The following RGS3 variants were observed in gnomAD, a reference collection of about 807,000 sequenced individuals.
RGS3 encodes the protein regulator of G protein signaling 3, also known as regulator of G-protein signalling 3.
A neutral mutation model predicts 132.6 loss-of-function variants in RGS3; 80 were observed. That is an observed-to-expected ratio of 0.60 (90% CI 0.50 to 0.73). The LOEUF (loss-of-function observed/expected upper bound fraction) is 0.73. Ranked by LOEUF, RGS3 falls within the 30% of genes least tolerant of loss-of-function variation. The pLI is 0.00. For missense variants in RGS3, 1,382 were observed against 1,530.8 expected (o/e 0.90, Z 1.62); for synonymous variants, 598 against 620.6 (o/e 0.96, Z 0.54).
chr9:113,478,675 C>T (rs1231967239), intron 3 of RGS3, among the ~76,000 whole-genome samples: 2 of 151,786 alleles, frequency 1.3e-5, no homozygotes, highest in Admixed American at 6.6e-5. Context: ...AGCTGGGCAC[C>T]GTGGTTCATG....
chr9:113,529,895 T>C (rs184659933), intron 18 of RGS3, among the ~76,000 whole-genome samples: 70 of 152,326 alleles, frequency 4.6e-4, no homozygotes, highest in Admixed American at 4.1e-3. Flanking sequence ...AGTAACTTAT[T>C]ACTTGATTTG....
At chr9:113,456,277 G>A (rs1320839063), upstream of RGS3, among the ~76,000 whole-genome samples, 1 of 152,122 alleles carries the variant, frequency 6.6e-6, no homozygotes, top group Non-Finnish European at 1.5e-5. Flanking sequence ...TCTAGCCTAA[G>A]TATTTTTTGC....
intron 18 of RGS3, among the ~76,000 whole-genome samples, chr9:113,536,172 T>C (rs965222728): frequency 6.6e-6 from 1 of 152,214 alleles, no homozygotes; most frequent in African/African-American, 2.4e-5. Context: ...GGGATGTTGC[T>C]GCCCTCGAGT....
upstream of RGS3, among the ~76,000 whole-genome samples, chr9:113,456,271 G>C (rs1046574881): frequency 4.6e-5 from 7 of 152,074 alleles, no homozygotes; most frequent in African/African-American, 1.4e-4. Context: ...TATATTTCTA[G>C]CCTAAGTATT....
chr9:113,506,273 T>G lies in RGS3; in HGVS notation c.980-115T>G, dbSNP rs1831128260. 1.6e-6 allele frequency: 1 copy of G among 642,282 alleles called. No individual in the cohort carries two copies. Among genetic ancestry groups the G allele is most frequent in the East Asian group, 2.8e-5 (1 of 35,314 alleles). 39.8% of individuals were successfully genotyped at this position (642,282 alleles called of 1,614,324 possible). A position where few individuals can be genotyped will look rare whatever the true frequency, so the allele number is the denominator to read the frequency against. ...TCCCTCATTTCACGGATGAAGAAAC[T>G]TAGAGAAAAAGGGAGGTCCTTGTCT... On this transcript the variant is annotated intron_variant, in intron 11 of 24. Coordinates refer to ENST00000350696, the Ensembl canonical transcript of RGS3. This position sits in a 1 kb window ranked among gnomAD's most constrained non-coding sequence, Gnocchi z 4.7.
exon 15 of RGS3, chr9:113,514,515 T>C: frequency 6.2e-7 from 1 of 1,614,226 alleles, no homozygotes; most frequent in Non-Finnish European, 8.5e-7. Context: ...AAGTCCCGGC[T>C]GATGAAGACA....
intron 19 of RGS3, among the ~76,000 whole-genome samples, chr9:113,571,626 G>T (rs1834294061): frequency 6.6e-6 from 1 of 152,048 alleles, no homozygotes; most frequent in Admixed American, 6.6e-5. Context: ...TTTATTGTTG[G>T]ATGTGCACAT....
In RGS3 at chr9:113,483,132, C is replaced by T. The variant is rs772849842; in HGVS notation, c.525+15C>T. On this transcript the variant is annotated intron_variant, in intron 5 of 24. Transcript: ENST00000350696. The stretch of plus-strand genomic sequence containing the variant: ...CGTATGTGAAGGTATGTGGTGGGGC[C>T]GGAGATGGAGAGTGGGATATTGAGG... The T allele has an allele frequency of 2.1e-5, 33 of 1,572,312 alleles. No homozygotes were observed. The Admixed American group carries it at 2.5e-4, about 12-fold the overall frequency.
At chr9:113,486,290 AAAG>A (rs1203018454) in intron 7 of RGS3, among the ~76,000 whole-genome samples, 3 of 152,242 alleles carry the variant, frequency 2.0e-5, no homozygotes, top group Admixed American at 6.5e-5. Context: ...TAAGACAACT[AAAG>A]AAGAAGGTTG....
At chr9:113,593,393 T>C (rs1835547241) in intron 21 of RGS3, 1 of 152,416 alleles carries the variant, frequency 6.6e-6, no homozygotes, top group Admixed American at 6.5e-5. Flanking sequence ...TCATTTTTGG[T>C]TTGAGTCAGC....
At chr9:113,498,080 G>C (rs1830744395) in exon 10 of RGS3, 1 of 1,613,790 alleles carries the variant, frequency 6.2e-7, no homozygotes. Context: ...AGAAACTAAA[G>C]GTAGGTGGGG....
At chr9:113,475,077 G>GT (rs1829949693) in intron 3 of RGS3, among the ~76,000 whole-genome samples, 1 of 152,150 alleles carries the variant, frequency 6.6e-6, no homozygotes, top group African/African-American at 2.4e-5. Flanking sequence ...CAGAATTTGG[G>GT]TTTGTTGCCT....
At chr9:113,521,772 G>A (rs1191722731) in intron 16 of RGS3, among the ~76,000 whole-genome samples, 2 of 152,184 alleles carry the variant, frequency 1.3e-5, no homozygotes, top group East Asian at 1.9e-4. Flanking sequence ...AAGTGAGGCT[G>A]TGGGGTCATC....
intron 14 of RGS3, among the ~76,000 whole-genome samples, chr9:113,514,009 T>C (rs1003117918): frequency 4.6e-5 from 7 of 152,192 alleles, no homozygotes; most frequent in Non-Finnish European, 7.4e-5. Flanking sequence ...GCGCGTACCC[T>C]GCCACACAGG....
At chr9:113,499,956 C>T (rs1168209207) in intron 10 of RGS3, among the ~76,000 whole-genome samples, 1 of 152,192 alleles carries the variant, frequency 6.6e-6, no homozygotes, top group African/African-American at 2.4e-5. Flanking sequence ...AAGACCTTTC[C>T]TCCTCTCTTT....
chr9:113,518,656 G>A (rs551193436), intron 16 of RGS3, among the ~76,000 whole-genome samples: 1 of 152,246 alleles, frequency 6.6e-6, no homozygotes, highest in East Asian at 1.9e-4. Context: ...AGTGCCCTGG[G>A]GGACTGCATG....
At chr9:113,517,782 G>C (rs1831752831) in intron 16 of RGS3, among the ~76,000 whole-genome samples, 158 bp downstream of exon 14, 2 of 152,074 alleles carry the variant, frequency 1.3e-5, no homozygotes, top group Non-Finnish European at 2.9e-5. Context: ...CCTAGCAAAG[G>C]CTACCCAGCT....
chr9:113,513,211 A>C (rs368164446), intron 14 of RGS3, among the ~76,000 whole-genome samples: 2 of 152,150 alleles, frequency 1.3e-5, no homozygotes, highest in East Asian at 1.9e-4. Context: ...AACAAACAAA[A>C]AAACAACAAC....
rs139780246 is a variant in RGS3, at chr9:113,574,737, T to C, written c.2038-8713T>C. 7.8e-4 allele frequency among the ~76,000 whole-genome samples: 119 copies of C among 151,992 alleles called. 1 individual carries two copies. The highest frequency in any genetic ancestry group is 2.6e-3 in the African/African-American group (106 of 41,446). ...TTGAGGGATAGAGAGCTTAGGGAAA[T>C]GAGAGGTCCCAGTACACACACACGG... On this transcript the variant is annotated intron_variant, in intron 19 of 24. Coordinates refer to ENST00000350696, the Ensembl canonical transcript of RGS3.
Sources: gnomAD v4.1 joint callset for allele counts (sites outside exome capture counted in the v4.1 genomes callset) on GRCh38, gnomAD v4.1.1 for gene constraint, Gnocchi (gnomAD v3.1) non-coding constraint, MANE v1.5 for transcripts, NCBI Gene and HGNC (gene_info 2026-07-23, HGNC 2026-07-21) for gene names.